Variants in TECRL observed in about 807,000 individuals in gnomAD.
The protein encoded by TECRL is trans-2,3-enoyl-CoA reductase like, also known as trans-2,3-enoyl-CoA reductase-like.
TECRL carries 63 observed loss-of-function variants against 52.8 expected under a neutral mutation model. The observed-to-expected ratio is 1.19, with a 90% CI of 0.97 to 1.47. TECRL has a LOEUF of 1.47. Among genes scored for constraint, TECRL ranks in the 40% most tolerant of loss-of-function variants. The pLI, the probability that TECRL is intolerant of heterozygous loss-of-function variation, is 0.00. For synonymous variants in TECRL, 164 were observed against 141.9 expected (o/e 1.16, Z -1.10); for missense variants, 482 against 429.6 (o/e 1.12, Z -1.08).
chr4:64,306,371 A>C lies in TECRL; in HGVS notation c.658-1133T>G, dbSNP rs181555592. ...TGGGGCAACTGAAGGTATCTGGCTGAGGCTAGATCTTGGTGTTACGCAAAG... is the reference window on the plus strand; with the variant it reads ...TGGGGCAACTGAAGGTATCTGGCTGCGGCTAGATCTTGGTGTTACGCAAAG... On this transcript the variant is annotated intron_variant, in intron 6 of 11. Coordinates refer to ENST00000381210, the MANE Select transcript of TECRL (RefSeq NM_001010874.5). Among the ~76,000 whole-genome samples the C allele has an allele frequency of 4.6e-5, 7 of 152,214 alleles. No homozygotes were observed. In the East Asian group the frequency reaches 1.4e-3, roughly 30 times the overall value.
At chr4:64,403,392 CCTGT>C (rs1394365729) in intron 1 of TECRL, among the ~76,000 whole-genome samples, 2 of 151,414 alleles carry the variant, frequency 1.3e-5, no homozygotes, top group African/African-American at 4.9e-5. Flanking sequence ...TTTCTAACTG[CCTGT>C]CTACTTGTCT....
At chr4:64,379,407 A>C (rs1400950083) in intron 1 of TECRL, among the ~76,000 whole-genome samples, 1 of 152,176 alleles carries the variant, frequency 6.6e-6, no homozygotes, top group Non-Finnish European at 1.5e-5. Flanking sequence ...TGATATGTAC[A>C]TGAAATGTGA....
rs946797324 is a variant in TECRL, at chr4:64,389,526, T to G, written c.235-14303A>C. Among the ~76,000 whole-genome samples, 5 of 151,968 alleles carry G rather than the reference T, an allele frequency of 3.3e-5. No homozygotes were observed. In the East Asian group the frequency reaches 9.6e-4, roughly 29 times the overall value. On this transcript the variant is annotated intron_variant, in intron 1 of 11. Transcript: ENST00000381210. ...GTGTTAAATTCATATGCTAATATGT[T>G]GTTGAGAATTGTTACATCTATATTT...
chr4:64,367,495 C>A (rs559909171), intron 2 of TECRL, among the ~76,000 whole-genome samples: 1 of 152,144 alleles, frequency 6.6e-6, no homozygotes, highest in African/African-American at 2.4e-5. Flanking sequence ...AAAAAACCAA[C>A]ACAAAATACA....
intron 1 of TECRL, among the ~76,000 whole-genome samples, chr4:64,387,285 T>C (rs1723244154): frequency 1.3e-5 from 2 of 152,156 alleles, no homozygotes; most frequent in African/African-American, 4.8e-5. Context: ...CCACTGTCCC[T>C]GTGTAACAGT....
rs182722496 is a variant in TECRL at position 64,316,118 on chromosome 4, A to G, written c.436-1355T>C. ...TAAAATGTTTAAAATAGTTATTTCAACACCAATTGATCTAGTGAAGTCAAA... is the reference window on the plus strand; with the variant it reads ...TAAAATGTTTAAAATAGTTATTTCAGCACCAATTGATCTAGTGAAGTCAAA... On this transcript the variant is annotated intron_variant, in intron 4 of 11. Coordinates refer to ENST00000381210, the MANE Select transcript of TECRL (RefSeq NM_001010874.5). Among the ~76,000 whole-genome samples, 555 of 152,242 alleles carry G rather than the reference A, an allele frequency of 3.6e-3. No individual in the cohort carries two copies. In the Middle Eastern group the frequency reaches 0.037, roughly 10 times the overall value.
intron 1 of TECRL, among the ~76,000 whole-genome samples, chr4:64,398,413 C>T (rs753755272): frequency 2.0e-5 from 3 of 152,058 alleles, no homozygotes; most frequent in Non-Finnish European, 4.4e-5. Flanking sequence ...TTGGTACTGT[C>T]CTCAAAAAAG....
chr4:64,357,898 A>G (rs1720883931), intron 2 of TECRL, among the ~76,000 whole-genome samples: 1 of 151,774 alleles, frequency 6.6e-6, no homozygotes, highest in African/African-American at 2.4e-5. Flanking sequence ...ATTAGGAAGA[A>G]AAATGAAAGC....
rs775367013 is a variant in TECRL, at chr4:64,305,158, C to G, written c.730+8G>C. 1.2e-6 allele frequency: 2 copies of G among 1,603,440 alleles called. No homozygotes were observed. The highest frequency in any genetic ancestry group is 1.7e-6 in the Non-Finnish European group (2 of 1,173,624). On this transcript the variant is annotated splice_region_variant and intron_variant, in intron 7 of 11. Transcript: ENST00000381210. Reference sequence around the variant, plus strand: ...GTATACGGTTAGTTAAGAAGAAACCCTACATACATGGTGGTGTATATAGTG... The same window carrying G: ...GTATACGGTTAGTTAAGAAGAAACCGTACATACATGGTGGTGTATATAGTG...
chr4:64,388,539 A>G (rs796240883), intron 1 of TECRL, among the ~76,000 whole-genome samples: 4 of 151,862 alleles, frequency 2.6e-5, no homozygotes, highest in Admixed American at 1.3e-4. Flanking sequence ...CTTTAGAAAC[A>G]GTTTGCTAAT....
chr4:64,357,472 G>A (rs138004394), intron 2 of TECRL, among the ~76,000 whole-genome samples: 132 of 151,482 alleles, frequency 8.7e-4, no homozygotes, highest in East Asian at 4.3e-3. Flanking sequence ...AATGATCGTG[G>A]AAACAATTTT....
chr4:64,297,245 G>T lies in TECRL; in HGVS notation c.774+2729C>A, dbSNP rs1193565191. Among the ~76,000 whole-genome samples, 8 of 151,418 alleles carry T rather than the reference G, an allele frequency of 5.3e-5. No homozygotes were observed. The East Asian group carries it at 9.7e-4, about 18-fold the overall frequency. Reference sequence around the variant, plus strand: ...AACAGTCTACAAAATAGATTAATCTGACATGGGTAATCGAGAATTAACTAC... The same window carrying T: ...AACAGTCTACAAAATAGATTAATCTTACATGGGTAATCGAGAATTAACTAC... On this transcript the variant is annotated intron_variant, in intron 8 of 11. Transcript: ENST00000381210.
At chr4:64,375,435 G>C (rs1276010675) in intron 1 of TECRL, among the ~76,000 whole-genome samples, 1 of 151,878 alleles carries the variant, frequency 6.6e-6, no homozygotes, top group East Asian at 1.9e-4. Context: ...GTATACAACA[G>C]TAATAGCTTT....
intron 7 of TECRL, 96 bp from the exon 8 acceptor site, chr4:64,300,113 TC>T: frequency 2.3e-6 from 2 of 877,082 alleles, no homozygotes; most frequent in Non-Finnish European, 3.4e-6. Context: ...GGGTATAAAT[TC>T]TATAATCAAT....
At chr4:64,402,942 T>A (rs1724455485) in intron 1 of TECRL, among the ~76,000 whole-genome samples, 2 of 152,118 alleles carry the variant, frequency 1.3e-5, no homozygotes, top group Non-Finnish European at 2.9e-5. Flanking sequence ...TTAAACTCAA[T>A]GAATATCACA....
intron 8 of TECRL, among the ~76,000 whole-genome samples, chr4:64,298,444 T>A (rs573147054): frequency 6.6e-6 from 1 of 151,390 alleles, no homozygotes; most frequent in South Asian, 2.1e-4. Flanking sequence ...AATTGCAAGC[T>A]ATTAGAATTT....
chr4:64,334,858 G>A (rs1161331556), intron 2 of TECRL, among the ~76,000 whole-genome samples: 1 of 152,154 alleles, frequency 6.6e-6, no homozygotes, highest in East Asian at 1.9e-4. Flanking sequence ...TATGCTCACT[G>A]GTTAAAATTT....
rs143721431 is a variant in TECRL, at chr4:64,320,782, C to T, written c.435+1907G>A. 7.5e-3 allele frequency among the ~76,000 whole-genome samples: 1,143 copies of T among 152,130 alleles called. 14 individuals carry two copies. Among genetic ancestry groups the T allele is most frequent in the African/African-American group, 0.026 (1,070 of 41,546 alleles). Reference sequence around the variant, plus strand: ...GACCAAACACTCTTTTCTAAAATCTCTTTAAGCAAAGGTCTGTAGACATCA... The same window carrying T: ...GACCAAACACTCTTTTCTAAAATCTTTTTAAGCAAAGGTCTGTAGACATCA... On this transcript the variant is annotated intron_variant, in intron 4 of 11. Coordinates refer to ENST00000381210, the MANE Select transcript of TECRL (RefSeq NM_001010874.5).
intron 1 of TECRL, among the ~76,000 whole-genome samples, chr4:64,403,391 G>C (rs556268449): frequency 6.6e-6 from 1 of 150,940 alleles, no homozygotes; most frequent in Non-Finnish European, 1.5e-5. Flanking sequence ...ATTTCTAACT[G>C]CCTGTCTACT....
Sources: allele counts gnomAD v4.1 joint callset (sites outside exome capture counted in the v4.1 genomes callset), GRCh38; gene constraint gnomAD v4.1.1; transcripts MANE v1.5; gene names NCBI Gene and HGNC (gene_info 2026-07-23, HGNC 2026-07-21).